Variants in WDFY3 observed in about 807,000 individuals in gnomAD.
WDFY3 encodes WD repeat and FYVE domain containing 3, also known as WD repeat and FYVE domain-containing protein 3.
WDFY3 carries 66 observed loss-of-function variants against 409.6 expected under a neutral mutation model. The ratio of observed to expected loss-of-function variants is 0.16; its 90% CI spans 0.13 to 0.20. The LOEUF (loss-of-function observed/expected upper bound fraction) is 0.20, where lower values mean the gene tolerates loss of function less well. Among genes scored for constraint, WDFY3 ranks in the 10% least tolerant of loss-of-function variants. The pLI is 1.00. For missense variants in WDFY3, 3,031 were observed against 4,298.1 expected (o/e 0.71, Z 8.24); for synonymous variants, 1,521 against 1,537.1 (o/e 0.99, Z 0.25).
chr4:84,769,872 T>C (rs375931557), intron 30 of WDFY3, among the ~76,000 whole-genome samples: 5 of 152,048 alleles, frequency 3.3e-5, no homozygotes, highest in Admixed American at 1.3e-4. Flanking sequence ...TTTTAAGAAA[T>C]TGCCACAGCC....
At chr4:84,804,081 A>AC (rs1395475802) in intron 15 of WDFY3, 2 of 152,220 alleles carry the variant, frequency 1.3e-5, no homozygotes, top group African/African-American at 4.8e-5. Flanking sequence ...TATTCATTGC[A>AC]ACTTTTAAAA....
At chr4:84,907,329 T>C (rs950643878) in intron 2 of WDFY3, among the ~76,000 whole-genome samples, 3 of 152,128 alleles carry the variant, frequency 2.0e-5, no homozygotes, top group African/African-American at 7.2e-5. Flanking sequence ...TAAAAGACAT[T>C]ATGACTTCCT....
intron 3 of WDFY3, among the ~76,000 whole-genome samples, chr4:84,865,176 A>G (rs948235603): frequency 3.9e-5 from 6 of 152,220 alleles, no homozygotes; most frequent in African/African-American, 1.2e-4. Flanking sequence ...GGTATGAGCC[A>G]CCGCACCTGG....
intron 7 of WDFY3, 105 bp downstream of exon 7, chr4:84,836,824 A>G: frequency 9.8e-7 from 1 of 1,021,272 alleles, no homozygotes; most frequent in Non-Finnish European, 1.3e-6. Context: ...ATCATAAATA[A>G]AATGAAATAT....
chr4:84,891,195 A>G (rs931470679), intron 3 of WDFY3, among the ~76,000 whole-genome samples: 8 of 152,148 alleles, frequency 5.3e-5, no homozygotes, highest in African/African-American at 1.9e-4. Flanking sequence ...AAGTTTAACC[A>G]TGAGCCCAAA....
chr4:84,696,548 A>G (rs1015668671), intron 57 of WDFY3, among the ~76,000 whole-genome samples, 184 bp downstream of exon 57: 4 of 152,120 alleles, frequency 2.6e-5, no homozygotes, highest in Non-Finnish European at 4.4e-5. Flanking sequence ...ATATATATAT[A>G]GGGTTTGGTA....
At position 84,783,093 on chromosome 4, in the gene WDFY3, A is replaced by G. The variant is rs1456066899; in HGVS notation, c.4063-19T>C. 7.5e-6 allele frequency: 12 copies of G among 1,598,360 alleles called. No homozygotes were observed. The highest frequency in any genetic ancestry group is 9.4e-6 in the Non-Finnish European group (11 of 1,166,574). ...TGCCTAACTGAAAAATAGGAAAGGA[A>G]AAGAATGTAATTATATAAGAACAGT... On this transcript the variant is annotated intron_variant, in intron 24 of 67. Coordinates refer to ENST00000295888, the MANE Select transcript of WDFY3 (RefSeq NM_014991.6).
intron 24 of WDFY3, among the ~76,000 whole-genome samples, chr4:84,783,325 C>T (rs559915886): frequency 6.6e-6 from 1 of 152,252 alleles, no homozygotes; most frequent in East Asian, 1.9e-4. Context: ...AGACCCCCAT[C>T]TCTACTAAAA....
At chr4:84,844,937 A>G (rs1757876594) in intron 5 of WDFY3, among the ~76,000 whole-genome samples, 1 of 152,016 alleles carries the variant, frequency 6.6e-6, no homozygotes, top group South Asian at 2.1e-4. Context: ...TAAGGGAGAC[A>G]AGGAGACTGT....
chr4:84,910,410 T>G (rs1767600883), intron 2 of WDFY3, among the ~76,000 whole-genome samples: 2 of 152,074 alleles, frequency 1.3e-5, no homozygotes, highest in Non-Finnish European at 1.5e-5. Context: ...TTTAATATAA[T>G]AAATCAAATA....
At chr4:84,820,984 A>T (rs915804371) in intron 11 of WDFY3, 100 bp downstream of exon 11, 6 of 1,144,228 alleles carry the variant, frequency 5.2e-6, no homozygotes, top group Non-Finnish European at 6.1e-6. Flanking sequence ...CACATTAGGA[A>T]GTCATTGAAA....
At chr4:84,724,642 T>G (rs1354028838) in intron 45 of WDFY3, 48 bp from the exon 46 acceptor site, 11 of 1,582,748 alleles carry the variant, frequency 6.9e-6, no homozygotes, top group Non-Finnish European at 8.6e-6. Flanking sequence ...CACCAAGAAT[T>G]AAAACGTAAT....
At chr4:84,737,135 T>C (rs1188431561) in intron 41 of WDFY3, 49 bp downstream of exon 41, 1 of 1,605,682 alleles carries the variant, frequency 6.2e-7, no homozygotes, top group Admixed American at 1.7e-5. Context: ...TACCCATATA[T>C]GATAGCCACA....
At chr4:84,822,658 G>T (rs1169148878) in intron 10 of WDFY3, among the ~76,000 whole-genome samples, 1 of 152,128 alleles carries the variant, frequency 6.6e-6, no homozygotes, top group Non-Finnish European at 1.5e-5. Flanking sequence ...GTTGCAGTGG[G>T]CTATGATCAC....
Position 84,869,922 on chromosome 4 carries a change from A to G in WDFY3, c.-31-9300T>C, listed in dbSNP as rs1012916282. On this transcript the variant is annotated intron_variant, in intron 3 of 67. Coordinates refer to ENST00000295888, the MANE Select transcript of WDFY3 (RefSeq NM_014991.6). ...ACAATTTTTCATCATTACTTTGGTA[A>G]AACTAATAGGATTTCTCTTCATAGA... Among the ~76,000 whole-genome samples, 29 of 152,208 alleles carry G rather than the reference A, an allele frequency of 1.9e-4. 1 individual carries two copies. Among genetic ancestry groups the G allele is most frequent in the Non-Finnish European group, 3.1e-4 (21 of 68,016 alleles).
At chr4:84,729,883 T>C (rs866286643) in intron 44 of WDFY3, among the ~76,000 whole-genome samples, 16 of 152,190 alleles carry the variant, frequency 1.1e-4, no homozygotes, top group African/African-American at 3.1e-4. Flanking sequence ...AAGTCTCTTT[T>C]AAATATCAAG....
At chr4:84,832,692 T>G (rs1346872744) in intron 7 of WDFY3, among the ~76,000 whole-genome samples, 1 of 152,156 alleles carries the variant, frequency 6.6e-6, no homozygotes. Context: ...AATGGCTGAT[T>G]ATGTTATGAC....
chr4:84,775,040 T>C (rs1477340242), intron 28 of WDFY3, 25 bp downstream of exon 28: 6 of 1,613,390 alleles, frequency 3.7e-6, no homozygotes, highest in Non-Finnish European at 5.1e-6. Context: ...GCTGAATAAT[T>C]AACTACGTGG....
chr4:84,739,456 C>A, intron 39 of WDFY3: 1 of 239,954 alleles, frequency 4.2e-6, no homozygotes, highest in South Asian at 5.3e-5. Flanking sequence ...TCTCTCCAGT[C>A]TTATATCTCA....
Sources: allele counts gnomAD v4.1 joint callset (sites outside exome capture counted in the v4.1 genomes callset), GRCh38; gene constraint gnomAD v4.1.1; transcripts MANE v1.5; gene names NCBI Gene and HGNC (gene_info 2026-07-23, HGNC 2026-07-21).